The following MPHOSPH6 variants were observed in gnomAD, a reference collection of about 807,000 sequenced individuals.
MPHOSPH6 encodes the protein M-phase phosphoprotein 6.
A neutral mutation model predicts 21.8 loss-of-function variants in MPHOSPH6; 25 were observed. The observed-to-expected ratio is 1.15, with a 90% confidence interval of 0.83 to 1.60. The LOEUF (loss-of-function observed/expected upper bound fraction) is 1.60, where lower values mean the gene tolerates loss of function less well. MPHOSPH6 is among the 40% of genes most tolerant of loss of function. The probability of loss-of-function intolerance (pLI) is 0.00; values close to 1 mark genes in which losing one functional copy is unlikely to be tolerated. For synonymous variants in MPHOSPH6, 84 were observed against 56.5 expected (o/e 1.49, Z -2.18); for missense variants, 269 against 181.8 (o/e 1.48, Z -2.76).
At chr16:82,168,847 T>C (rs1567617570) in intron 1 of MPHOSPH6, among the ~76,000 whole-genome samples, 1 of 152,314 alleles carries the variant, frequency 6.6e-6, no homozygotes, top group Non-Finnish European at 1.5e-5. Flanking sequence ...ATGTAACAGT[T>C]TGCTACTCTC....
At position 82,165,952 on chromosome 16, in the gene MPHOSPH6, C is replaced by G. The variant is rs367612946; in HGVS notation, c.52-1758G>C. Among the ~76,000 whole-genome samples, 29 of 152,316 alleles carry G rather than the reference C, an allele frequency of 1.9e-4. 1 individual carries two copies. The highest frequency in any genetic ancestry group is 3.4e-3 in the Middle Eastern group (1 of 294). ...GAAGAAACTGATCACTCAAACATAG[C>G]TGGTGGGAAAGTAAATGGTACAGCC... On this transcript the variant is annotated intron_variant, in intron 1 of 4. Transcript: ENST00000258169.
At chr16:82,169,424 T>A (rs962268302) in intron 1 of MPHOSPH6, among the ~76,000 whole-genome samples, 2 of 152,116 alleles carry the variant, frequency 1.3e-5, no homozygotes, top group African/African-American at 4.8e-5. Context: ...CACCCTCTTC[T>A]CCCTGGAAGA....
chr16:82,150,408 T>C (rs1437495493), intron 3 of MPHOSPH6, among the ~76,000 whole-genome samples: 1 of 152,142 alleles, frequency 6.6e-6, no homozygotes, highest in Non-Finnish European at 1.5e-5. Flanking sequence ...GACCAGCATA[T>C]ATTAAAAACA....
intron 2 of MPHOSPH6, among the ~76,000 whole-genome samples, chr16:82,158,323 C>T (rs1283462256): frequency 3.5e-5 from 5 of 144,438 alleles, no homozygotes; most frequent in African/African-American, 5.3e-5. Context: ...CCTGTCTCTA[C>T]TAAAAAAATA....
intron 1 of MPHOSPH6, chr16:82,167,602 G>A: frequency 6.3e-6 from 1 of 159,934 alleles, no homozygotes. Context: ...TCCCATCTGG[G>A]TGTGATGGGA....
chr16:82,158,279 G>T (rs914533888), intron 2 of MPHOSPH6, among the ~76,000 whole-genome samples: 1 of 150,392 alleles, frequency 6.6e-6, no homozygotes, highest in African/African-American at 2.5e-5. Context: ...ACGAGGTCAG[G>T]AAATTGAGAT....
intron 2 of MPHOSPH6, among the ~76,000 whole-genome samples, chr16:82,153,228 C>T (rs1906323421): frequency 6.6e-6 from 1 of 152,182 alleles, no homozygotes. Flanking sequence ...TTATATCACA[C>T]AATGGATGAA....
At chr16:82,150,812 A>G (rs1287462820) in intron 3 of MPHOSPH6, among the ~76,000 whole-genome samples, 1 of 152,246 alleles carries the variant, frequency 6.6e-6, no homozygotes, top group African/African-American at 2.4e-5. Context: ...CTAAAGATTT[A>G]TATCTCATGT....
In MPHOSPH6 at chr16:82,149,348, G is replaced by C. The variant is rs11544092; in HGVS notation, c.311C>G (p.Thr104Arg). The C allele has an allele frequency of 7.8e-5, 126 of 1,613,156 alleles. No individual in the cohort carries two copies. Among genetic ancestry groups the C allele is most frequent in the Non-Finnish European group, 1.0e-4 (122 of 1,180,036 alleles). Residue 104 changes from threonine (T) to arginine (R), a missense_variant, in exon 4 of 5, where the codon ACA becomes AGA. By Grantham distance (71) the Thr-to-Arg change is moderately conservative. Transcript: ENST00000258169. ...TTCATCTGACACATCAAGCTCTACT[G>C]TTTCATCTTCAACTTCTTCTGCTTT... ...KHKAEEVEDE[T>R]VELDVSDEEM... is the part of the protein sequence containing the mutation.
intron 3 of MPHOSPH6, among the ~76,000 whole-genome samples, chr16:82,149,648 T>C (rs548780390): frequency 6.6e-6 from 1 of 152,354 alleles, no homozygotes; most frequent in Admixed American, 6.5e-5. Flanking sequence ...GTATTTAAGA[T>C]CATAAATCTT....
At chr16:82,156,920 G>A (rs958619190) in intron 2 of MPHOSPH6, among the ~76,000 whole-genome samples, 2 of 152,120 alleles carry the variant, frequency 1.3e-5, no homozygotes, top group African/African-American at 4.8e-5. Flanking sequence ...GGGCATGGTG[G>A]TGCACGCCTG....
intron 1 of MPHOSPH6, among the ~76,000 whole-genome samples, chr16:82,166,837 T>C (rs1178352979): frequency 6.6e-6 from 1 of 152,176 alleles, no homozygotes; most frequent in East Asian, 1.9e-4. Context: ...TCTTTTGGTA[T>C]ACAACAGCCA....
chr16:82,161,815 G>T (rs1339459209), intron 2 of MPHOSPH6, among the ~76,000 whole-genome samples: 4 of 152,136 alleles, frequency 2.6e-5, no homozygotes, highest in African/African-American at 9.7e-5. Context: ...CCCCTACATG[G>T]TCTAGCCACT....
chr16:82,169,066 T>C (rs143295814), intron 1 of MPHOSPH6, among the ~76,000 whole-genome samples: 327 of 152,362 alleles, frequency 2.1e-3, no homozygotes, highest in African/African-American at 7.3e-3. Context: ...ATTATGTGAA[T>C]TGCATAGGTT....
intron 1 of MPHOSPH6, 138 bp downstream of exon 1, chr16:82,169,987 T>A (rs1327222658): frequency 1.0e-6 from 1 of 993,046 alleles, no homozygotes; most frequent in Non-Finnish European, 1.4e-6. Flanking sequence ...AGGCGCTAAG[T>A]GAATGAATGA....
At chr16:82,155,820 G>T (rs550744766) in intron 2 of MPHOSPH6, among the ~76,000 whole-genome samples, 1 of 151,830 alleles carries the variant, frequency 6.6e-6, no homozygotes. Context: ...CAGGAGAATC[G>T]CCTGAACCCG....
chr16:82,158,739 A>C (rs1268041242), intron 2 of MPHOSPH6, among the ~76,000 whole-genome samples: 1 of 152,222 alleles, frequency 6.6e-6, no homozygotes, highest in Non-Finnish European at 1.5e-5. Flanking sequence ...GCTTTCAAGC[A>C]AAAGTTAGAA....
chr16:82,149,202 G>C, intron 4 of MPHOSPH6, 107 bp downstream of exon 4: 1 of 1,153,478 alleles, frequency 8.7e-7, no homozygotes, highest in Non-Finnish European at 1.3e-6. Flanking sequence ...CGTCCTACTG[G>C]GGGACTCCCT....
chr16:82,150,473 A>C (rs546722594), intron 3 of MPHOSPH6, among the ~76,000 whole-genome samples: 2 of 152,332 alleles, frequency 1.3e-5, no homozygotes, highest in African/African-American at 4.8e-5. Flanking sequence ...CACTCCGCCA[A>C]AAAAGAAAAG....
Sources: gnomAD v4.1 joint callset for allele counts (sites outside exome capture counted in the v4.1 genomes callset) on GRCh38, gnomAD v4.1.1 for gene constraint, MANE v1.5 for transcripts, NCBI Gene and HGNC (gene_info 2026-07-23, HGNC 2026-07-21) for gene names.